ALK: variants seen among roughly 807,000 people sequenced by gnomAD.
ALK encodes ALK receptor tyrosine kinase, also known as ALK tyrosine kinase receptor.
A neutral mutation model predicts 163.1 loss-of-function variants in ALK; 74 were observed. The ratio of observed to expected loss-of-function variants is 0.45; its 90% CI spans 0.38 to 0.55. The LOEUF (loss-of-function observed/expected upper bound fraction) is 0.55, where lower values mean the gene tolerates loss of function less well. Among genes scored for constraint, ALK ranks in the 20% least tolerant of loss-of-function variants. The pLI, the probability that ALK is intolerant of heterozygous loss-of-function variation, is 0.00. For synonymous variants in ALK, 960 were observed against 843.2 expected (o/e 1.14, Z -2.40); for missense variants, 2,063 against 2,105.3 (o/e 0.98, Z 0.39).
chr2:29,413,336 A>C (rs1420214412), intron 4 of ALK, among the ~76,000 whole-genome samples: 1 of 152,082 alleles, frequency 6.6e-6, no homozygotes, highest in African/African-American at 2.4e-5. Flanking sequence ...TAGTATAGTA[A>C]ACACATACTT....
At chr2:29,791,724 C>T (rs1317501124) in intron 1 of ALK, among the ~76,000 whole-genome samples, 2 of 152,070 alleles carry the variant, frequency 1.3e-5, no homozygotes, top group African/African-American at 2.4e-5. Flanking sequence ...TTTCATGACG[C>T]TTTTGTAATC....
intron 4 of ALK, among the ~76,000 whole-genome samples, chr2:29,499,247 A>C (rs1672107419): frequency 6.6e-6 from 1 of 151,926 alleles, no homozygotes; most frequent in Non-Finnish European, 1.5e-5. Context: ...CCCAGGCTGG[A>C]GTTCAATGGT....
intron 4 of ALK, among the ~76,000 whole-genome samples, chr2:29,471,537 T>A (rs956464750): frequency 2.6e-5 from 4 of 152,228 alleles, no homozygotes; most frequent in African/African-American, 9.6e-5. Flanking sequence ...ATAAGCAGTA[T>A]ACAGTTGTCT....
chr2:29,813,544 A>G (rs1260615141), intron 1 of ALK, among the ~76,000 whole-genome samples: 1 of 152,206 alleles, frequency 6.6e-6, no homozygotes, highest in Non-Finnish European at 1.5e-5. Context: ...ACAGCCTGCT[A>G]AATTCATTAT....
chr2:29,591,140 G>C (rs1437889276), intron 3 of ALK, among the ~76,000 whole-genome samples: 2 of 146,468 alleles, frequency 1.4e-5, no homozygotes, highest in Admixed American at 6.8e-5. Flanking sequence ...TGATGGTCCT[G>C]AACGAAGTCT....
chr2:29,470,877 T>C (rs539684022), intron 4 of ALK, among the ~76,000 whole-genome samples: 1 of 152,150 alleles, frequency 6.6e-6, no homozygotes, highest in Non-Finnish European at 1.5e-5. Flanking sequence ...TCTTCAGATA[T>C]GTAAAATATG....
intron 3 of ALK, among the ~76,000 whole-genome samples, chr2:29,547,238 G>A: frequency 6.6e-6 from 1 of 152,176 alleles, no homozygotes; most frequent in East Asian, 1.9e-4. Context: ...ATTTAATTTA[G>A]GTTATCCTTC....
At chr2:29,379,626 A>T (rs1030195038) in intron 5 of ALK, among the ~76,000 whole-genome samples, 3 of 152,202 alleles carry the variant, frequency 2.0e-5, no homozygotes, top group African/African-American at 7.2e-5. Context: ...AAGGTGGTCC[A>T]GTATAGGCCC....
chr2:29,890,282 G>A (rs1010563259), intron 1 of ALK: 1 of 150,822 alleles, frequency 6.6e-6, no homozygotes, highest in Non-Finnish European at 1.5e-5. Context: ...TATTAGTACT[G>A]TTTCAGAATG....
intron 4 of ALK, among the ~76,000 whole-genome samples, chr2:29,402,346 G>A (rs1003552769): frequency 1.5e-4 from 23 of 152,232 alleles, no homozygotes; most frequent in Admixed American, 8.5e-4. Flanking sequence ...CTGGCCCAGC[G>A]TGAGCAGATG....
intron 23 of ALK, among the ~76,000 whole-genome samples, chr2:29,216,766 GATGTGTGAGGT>G (rs1669622018): frequency 6.6e-6 from 1 of 151,612 alleles, no homozygotes; most frequent in Admixed American, 6.6e-5. Flanking sequence ...GTTTGTGTAG[GATGTGTGAGGT>G]GTGTGTGGTG....
intron 4 of ALK, among the ~76,000 whole-genome samples, chr2:29,452,284 T>C (rs1670838398): frequency 6.6e-6 from 1 of 152,130 alleles, no homozygotes; most frequent in Non-Finnish European, 1.5e-5. Flanking sequence ...TGCTGTTGTA[T>C]GCTTTGCCTA....
intron 3 of ALK, among the ~76,000 whole-genome samples, chr2:29,612,781 T>A (rs983847245): frequency 3.3e-5 from 5 of 152,172 alleles, no homozygotes; most frequent in African/African-American, 1.2e-4. Context: ...GGACTGTTAA[T>A]GTCAGTGAAG....
At position 29,882,671 on chromosome 2, in the gene ALK, C is replaced by T. The variant is rs148158934; in HGVS notation, c.667+37322G>A. On this transcript the variant is annotated intron_variant, in intron 1 of 28. Transcript: ENST00000389048. ...ATTGCGCCACTGCACTCCAGCCTGG[C>T]GACAGACAGGCAACAACAACGACAA... 6.6e-3 allele frequency among the ~76,000 whole-genome samples: 999 copies of T among 152,182 alleles called. 9 individuals are homozygous for T. Among genetic ancestry groups the T allele is most frequent in the African/African-American group, 0.022 (907 of 41,520 alleles).
At chr2:29,398,354 A>G (rs1669361866) in intron 4 of ALK, among the ~76,000 whole-genome samples, 1 of 152,186 alleles carries the variant, frequency 6.6e-6, no homozygotes, top group Non-Finnish European at 1.5e-5. Flanking sequence ...CTTCAGTGAT[A>G]TATTTAATTG....
intron 5 of ALK, among the ~76,000 whole-genome samples, chr2:29,333,313 G>A (rs1281113127): frequency 2.6e-5 from 4 of 151,968 alleles, no homozygotes; most frequent in African/African-American, 4.8e-5. Context: ...ACGAGGTTTC[G>A]CCATGTTGGC....
intron 3 of ALK, among the ~76,000 whole-genome samples, chr2:29,572,333 G>A (rs918660018): frequency 1.3e-5 from 2 of 152,168 alleles, no homozygotes; most frequent in African/African-American, 2.4e-5. Context: ...AAACATGGTC[G>A]GCCACCGTTT....
intron 4 of ALK, among the ~76,000 whole-genome samples, chr2:29,419,799 A>G (rs1558316268): frequency 6.6e-6 from 1 of 151,566 alleles, no homozygotes; most frequent in African/African-American, 2.4e-5. Context: ...TTGGGAAGCT[A>G]CTGCAGGAAT....
intron 1 of ALK, among the ~76,000 whole-genome samples, chr2:29,864,925 C>T (rs1666392132): frequency 6.6e-6 from 1 of 152,218 alleles, no homozygotes; most frequent in African/African-American, 2.4e-5. Context: ...CTCCCACCCT[C>T]TCCCCTGAAG....
Sources: allele counts gnomAD v4.1 joint callset (sites outside exome capture counted in the v4.1 genomes callset), GRCh38; gene constraint gnomAD v4.1.1; transcripts MANE v1.5; gene names NCBI Gene and HGNC (gene_info 2026-07-23, HGNC 2026-07-21).